Variants in RDH8 observed in about 807,000 individuals in gnomAD.
The protein encoded by RDH8 is photoreceptor outer segment all-trans retinol dehydrogenase.
A neutral mutation model predicts 22.3 loss-of-function variants in RDH8; 14 were observed. That is an observed-to-expected ratio of 0.63 (90% CI 0.42 to 0.98). RDH8 has a LOEUF of 0.98. Ranked by LOEUF, RDH8 falls within the 50% of genes least tolerant of loss-of-function variation. The probability of loss-of-function intolerance (pLI) is 0.00; values close to 1 mark genes in which losing one functional copy is unlikely to be tolerated. For synonymous variants in RDH8, 175 were observed against 171.7 expected, an observed-to-expected ratio of 1.02 and a Z score of -0.15; for missense variants, 389 against 409.8, an observed-to-expected ratio of 0.95 and a Z score of 0.44.
At chr19:10,015,626 C>G (rs1394865761) in intron 1 of RDH8, among the ~76,000 whole-genome samples, 2 of 142,212 alleles carry the variant, frequency 1.4e-5, no homozygotes, top group African/African-American at 5.1e-5. Context: ...GAGACTCCGT[C>G]TCAAAAAAAA....
intron 3 of RDH8, 65 bp downstream of exon 3, chr19:10,018,975 T>C (rs1238803984): frequency 7.3e-7 from 1 of 1,378,912 alleles, no homozygotes; most frequent in Admixed American, 2.1e-5. Context: ...ACTGGGAGGA[T>C]GGCGAATGGG....
chr19:10,014,948 C>G (rs2087598801), intron 1 of RDH8, among the ~76,000 whole-genome samples: 1 of 152,206 alleles, frequency 6.6e-6, no homozygotes, highest in South Asian at 2.1e-4. Flanking sequence ...CAGCCCATCC[C>G]TTGCACCCAT....
At chr19:10,016,257 C>T (rs1568441175) in intron 1 of RDH8, among the ~76,000 whole-genome samples, 2 of 150,616 alleles carry the variant, frequency 1.3e-5, no homozygotes, top group Middle Eastern at 3.4e-3. Context: ...CGCCATTCTC[C>T]TGCCTCAGCC....
rs560376359 is a variant in RDH8, at chr19:10,014,617, CA to C, written c.103+1018del. On this transcript the variant is annotated intron_variant, in intron 1 of 5. Transcript: ENST00000591589. ...TGCAGTGGTGCATCTTGGCTCACTG[CA>C]GCCTCCACTTCCCACGTTCAAGTGA... Among the ~76,000 whole-genome samples the C allele has an allele frequency of 5.3e-4, 80 of 152,186 alleles. 1 individual carries two copies. Among genetic ancestry groups the C allele is most frequent in the Non-Finnish European group, 5.3e-4 (36 of 68,036 alleles).
At chr19:10,019,194 A>G (rs1299771296) in intron 3 of RDH8, among the ~76,000 whole-genome samples, 1 of 152,026 alleles carries the variant, frequency 6.6e-6, no homozygotes, top group Non-Finnish European at 1.5e-5. Flanking sequence ...GCTACTCAGG[A>G]GGCTGAGGCA....
intron 3 of RDH8, among the ~76,000 whole-genome samples, chr19:10,020,145 T>TA (rs915027606): frequency 2.0e-4 from 31 of 151,484 alleles, no homozygotes; most frequent in African/African-American, 6.3e-4. Context: ...TTAAATTAAA[T>TA]AAAAAAATCA....
At chr19:10,020,358 G>GAGGGAGGGAGGGAGGGAGGA (rs760823041) in intron 3 of RDH8, among the ~76,000 whole-genome samples, 1 of 134,148 alleles carries the variant, frequency 7.5e-6, no homozygotes, top group Non-Finnish European at 1.6e-5. Flanking sequence ...GGGAGGGAGG[G>GAGGGAGGGAGGGAGGGAGGA]AGGAAGGAAG....
At chr19:10,019,402 A>G (rs1478530845) in intron 3 of RDH8, among the ~76,000 whole-genome samples, 1 of 151,964 alleles carries the variant, frequency 6.6e-6, no homozygotes, top group Non-Finnish European at 1.5e-5. Flanking sequence ...ACTCACGTCT[A>G]TAATCCCAGC....
In RDH8 at chr19:10,018,743, G is replaced by A. The variant is rs1489604777; in HGVS notation, c.275G>A (p.Gly92Glu). The A allele has an allele frequency of 2.0e-5, 32 of 1,607,524 alleles. No homozygotes were observed. Among genetic ancestry groups the A allele is most frequent in the African/African-American group, 2.7e-5 (2 of 74,736 alleles). Residue 92 changes from glycine to glutamate, a missense_variant, in exon 3 of 6, where the codon GGA (glycine) becomes GAA (glutamate). Coordinates refer to ENST00000591589, the MANE Select transcript of RDH8 (RefSeq NM_015725.4). Reference protein sequence around the residue: ...GEVDVLVNNAGMGLVGPLEGL... With the variant: ...GEVDVLVNNAEMGLVGPLEGL... ...CCTCTTCTCTTAGTGAATAATGCTG[G>A]AATGGGCCTGGTGGGGCCCCTGGAG...
chr19:10,020,773 C>G lies in RDH8; in HGVS notation c.507C>G (p.Leu169=). 1 of 1,610,322 alleles carries G rather than the reference C, an allele frequency of 6.2e-7. No individual in the cohort carries two copies. Among genetic ancestry groups the G allele is most frequent in the Non-Finnish European group, 8.5e-7 (1 of 1,177,966 alleles). The change falls in exon 4 of 6, where the codon CTC becomes CTG. Residue 169 remains leucine (L), a synonymous_variant. Coordinates refer to ENST00000591589, the MANE Select transcript of RDH8 (RefSeq NM_015725.4). ...CCCTGGAGGGATTCTTCGAAAGCCT[C>G]GCTATCCAGCTGCTGCAGTTCAACA... The part of the protein sequence containing the change: ...KFALEGFFES[L]AIQLLQFNIF...
At chr19:10,016,449 C>T (rs143454392) in intron 1 of RDH8, among the ~76,000 whole-genome samples, 6,535 of 151,042 alleles carry the variant, frequency 0.043, 179 homozygotes, top group Non-Finnish European at 0.06. Context: ...GCCACCGCGC[C>T]AGGCCGCCCG....
chr19:10,018,001 A>T lies in RDH8; in HGVS notation c.263-730A>T, dbSNP rs187928804. Among the ~76,000 whole-genome samples the T allele has an allele frequency of 2.4e-3, 358 of 151,966 alleles. 1 individual carries two copies. The highest frequency in any genetic ancestry group is 8.0e-3 in the African/African-American group (331 of 41,438). ...ACTCTTGTTGCCTAGGCTAGAGTGC[A>T]ATGGCGCAATCTCAGCTCACTGCAA... On this transcript the variant is annotated intron_variant, in intron 2 of 5. Coordinates refer to ENST00000591589, the MANE Select transcript of RDH8 (RefSeq NM_015725.4).
In RDH8 at chr19:10,021,253, A is replaced by G. The variant is rs775758662; in HGVS notation, c.537-2A>G. 4 of 1,613,736 alleles carry G rather than the reference A, an allele frequency of 2.5e-6. No individual in the cohort carries two copies. In the African/African-American group the frequency reaches 5.3e-5, roughly 22 times the overall value. ...CTTACACTACCCATGCCTGGTCGCC[A>G]GCATCTCCCTGGTGGAGCCAGGCCC... is the stretch of plus-strand genomic sequence containing the variant. On this transcript the variant is annotated splice_acceptor_variant, in intron 4 of 5. Transcript: ENST00000591589. LOFTEE classifies it high-confidence loss of function.
chr19:10,018,869 AG>A lies in RDH8; in HGVS notation c.404del (p.Gly135AlafsTer5). Reference protein sequence around the residue: ...AVLPGMKRRRQGHIVVISSVM... With the variant: ...AVLPGMKRRRXGHIVVISSVM... The stretch of plus-strand genomic sequence containing the variant: ...CTTCCAGGCATGAAGAGGAGGCGGC[AG>A]GGCCACATCGTGGTGATCAGCAGTG... On this transcript the variant is annotated frameshift_variant, in exon 3 of 6. Coordinates refer to ENST00000591589, the MANE Select transcript of RDH8 (RefSeq NM_015725.4). LOFTEE classifies it high-confidence loss of function. The A allele has an allele frequency of 6.2e-7, 1 of 1,613,678 alleles. No homozygotes were observed. Among genetic ancestry groups the A allele is most frequent in the Non-Finnish European group, 8.5e-7 (1 of 1,179,720 alleles).
chr19:10,019,644 C>T (rs1006163461), intron 3 of RDH8, among the ~76,000 whole-genome samples: 3 of 151,750 alleles, frequency 2.0e-5, no homozygotes, highest in Non-Finnish European at 4.4e-5. Context: ...ACTAAAAATA[C>T]AAAAAAATTA....
At chr19:10,019,657 C>T (rs571314244) in intron 3 of RDH8, among the ~76,000 whole-genome samples, 2 of 151,988 alleles carry the variant, frequency 1.3e-5, no homozygotes, top group Admixed American at 6.6e-5. Context: ...AAAAATTAGC[C>T]GTGTGTGGTG....
chr19:10,014,056 T>C (rs1006775501), intron 1 of RDH8, among the ~76,000 whole-genome samples: 4 of 152,176 alleles, frequency 2.6e-5, no homozygotes, highest in African/African-American at 4.8e-5. Flanking sequence ...TTGCTTTTAC[T>C]GAGATAAGCT....
chr19:10,020,154 C>T (rs543266910), intron 3 of RDH8, among the ~76,000 whole-genome samples: 1 of 151,944 alleles, frequency 6.6e-6, no homozygotes, highest in African/African-American at 2.4e-5. Context: ...ATAAAAAAAT[C>T]AGCCAAGCAT....
intron 2 of RDH8, 46 bp downstream of exon 2, chr19:10,017,261 A>G (rs1231059312): frequency 2.7e-6 from 4 of 1,484,270 alleles, no homozygotes; most frequent in Non-Finnish European, 3.6e-6. Context: ...TCCTGGTCTG[A>G]GTATAGACCC....
Sources: gnomAD v4.1 joint callset for allele counts (sites outside exome capture counted in the v4.1 genomes callset) on GRCh38, gnomAD v4.1.1 for gene constraint, MANE v1.5 for transcripts, NCBI Gene and HGNC (gene_info 2026-07-23, HGNC 2026-07-21) for gene names.